The following RNF39 variants were observed in gnomAD, a reference collection of about 807,000 sequenced individuals.
RNF39 encodes ring finger protein 39.
In RNF39, 25 loss-of-function variants were observed where a neutral mutation model predicts 29.2. The observed-to-expected ratio is 0.86, with a 90% CI of 0.62 to 1.20. RNF39 has a LOEUF of 1.20. RNF39 is among the 50% of genes most tolerant of loss of function. The pLI, the probability that RNF39 is intolerant of heterozygous loss-of-function variation, is 0.00. For synonymous variants in RNF39, 219 were observed against 229.0 expected, an observed-to-expected ratio of 0.96 and a Z score of 0.40; for missense variants, 519 against 515.0, an observed-to-expected ratio of 1.01 and a Z score of -0.08.
rs1766288071 is a variant in RNF39 at position 30,074,930 on chromosome 6, C to T, written c.363+293G>A. On this transcript the variant is annotated intron_variant, in intron 1 of 3. Coordinates refer to ENST00000244360, the MANE Select transcript of RNF39 (RefSeq NM_025236.4). This position sits in a 1 kb window ranked among gnomAD's most constrained non-coding sequence, Gnocchi z 4.1. ...ACTCCAGGGCTCTCCGCGTTCTATC[C>T]GGTACCCCTTCTCTGCCTCCCCAGT... Among the ~76,000 whole-genome samples the T allele has an allele frequency of 2.0e-5, 3 of 152,066 alleles. No individual in the cohort carries two copies. Among genetic ancestry groups the T allele is most frequent in the South Asian group, 2.1e-4 (1 of 4,820 alleles).
chr6:30,073,703 A>G (rs1766178742), intron 1 of RNF39, among the ~76,000 whole-genome samples: 1 of 150,768 alleles, frequency 6.6e-6, no homozygotes, highest in Non-Finnish European at 1.5e-5. Context: ...CTTTTCCCTC[A>G]TCCTCCTAAC....
At position 30,073,489 on chromosome 6, in the gene RNF39, C is replaced by T. The variant is rs1766162830; in HGVS notation, c.364-11G>A. On this transcript the variant is annotated splice_polypyrimidine_tract_variant and intron_variant, in intron 1 of 3. Coordinates refer to ENST00000244360, the MANE Select transcript of RNF39 (RefSeq NM_025236.4). Reference sequence around the variant, plus strand: ...TGTCTTCCTCATATCCTAGGATGGGCAGAAACAAACATGGATGTGAGCTCT... The same window carrying T: ...TGTCTTCCTCATATCCTAGGATGGGTAGAAACAAACATGGATGTGAGCTCT... 3 of 1,613,468 alleles carry T rather than the reference C, an allele frequency of 1.9e-6. No individual in the cohort carries two copies. The highest frequency in any genetic ancestry group is 2.5e-6 in the Non-Finnish European group (3 of 1,179,630).
In RNF39 at chr6:30,075,572, T is replaced by C; in HGVS notation, c.14A>G (p.Glu5Gly). The stretch of plus-strand genomic sequence containing the variant: ...ACGCTCCACCAGCCCCGGGCCCAGC[T>C]CGGGCGCATCCATGGAAAGCCAGGA... MDAP[E>G]LGPGLVERLE... The change falls in exon 1 of 4, where the codon GAG (glutamate) becomes GGG (glycine). Residue 5 changes from glutamate (E) to glycine (G), a missense_variant. Glu to Gly is a moderately conservative substitution (Grantham distance 98). Transcript: ENST00000244360. 6.2e-7 allele frequency: 1 copy of C among 1,606,928 alleles called. No homozygotes were observed. Among genetic ancestry groups the C allele is most frequent in the South Asian group, 1.1e-5 (1 of 90,726 alleles).
chr6:30,070,822 T>C lies in RNF39; in HGVS notation c.*289A>G, dbSNP rs1446414151. ...ACTGATGGGGAGGGCCTGTTCCCCA[T>C]TGCAGGCCTAGAATGGTTTGAATGG... On this transcript the variant is annotated 3_prime_UTR_variant, in exon 4 of 4. Coordinates refer to ENST00000244360, the MANE Select transcript of RNF39 (RefSeq NM_025236.4). 1 of 655,136 alleles carries C rather than the reference T, an allele frequency of 1.5e-6. No homozygotes were observed. Among genetic ancestry groups the C allele is most frequent in the Non-Finnish European group, 2.8e-6 (1 of 354,860 alleles). 40.6% of individuals were successfully genotyped at this position (655,136 alleles called of 1,614,324 possible). A position where few individuals can be genotyped will look rare whatever the true frequency, so the allele number is the denominator to read the frequency against.
rs1205014116 is a variant in RNF39, at chr6:30,073,159, G to C, written c.476C>G (p.Thr159Arg). ...PVVKKMLHRL[T>R]ADLTLDPGTA... The stretch of plus-strand genomic sequence containing the variant: ...TCCCTCCCTTCTTCTTTCCTTACCT[G>C]TCAGTCTATGAAGCATTTTTTTGAC... The change falls in exon 3 of 4, where the codon ACA (threonine) becomes AGA (arginine). Residue 159 changes from threonine to arginine, a missense_variant and splice_region_variant. By Grantham distance (71) the Thr-to-Arg change is moderately conservative. Coordinates refer to ENST00000244360, the MANE Select transcript of RNF39 (RefSeq NM_025236.4). 8 of 1,578,436 alleles carry C rather than the reference G, an allele frequency of 5.1e-6. No homozygotes were observed. Among genetic ancestry groups the C allele is most frequent in the Non-Finnish European group, 7.0e-6 (8 of 1,147,814 alleles).
Position 30,075,625 on chromosome 6 carries a change from C to G in RNF39, c.-40G>C. ...TGGACGCCGCCCCTTCCGCGACCAC[C>G]GTGACCGCCTTCGAGCGCGCAGATG... On this transcript the variant is annotated 5_prime_UTR_variant, in exon 1 of 4. Transcript: ENST00000244360. 6.2e-7 allele frequency: 1 copy of G among 1,610,432 alleles called. No individual in the cohort carries two copies. The highest frequency in any genetic ancestry group is 8.5e-7 in the Non-Finnish European group (1 of 1,180,014).
At chr6:30,075,111 C>G in intron 1 of RNF39, 112 bp downstream of exon 1, 2 of 1,156,348 alleles carry the variant, frequency 1.7e-6, no homozygotes, top group Non-Finnish European at 2.4e-6. Context: ...TCTCCCCACC[C>G]CATCCTTTGC....
Position 30,072,767 on chromosome 6 carries a change from A to T in RNF39, c.478+390T>A, listed in dbSNP as rs1242246586. On this transcript the variant is annotated intron_variant, in intron 3 of 3. Coordinates refer to ENST00000244360, the MANE Select transcript of RNF39 (RefSeq NM_025236.4). The surrounding 1 kb of genome is among the most constrained non-coding windows in gnomAD (Gnocchi z 4.5). ...AGGTAATCAAGTTAAAATGAAGGTC[A>T]TTAGGGTGGGCTCTAATCCAGATTG... 2.6e-5 allele frequency among the ~76,000 whole-genome samples: 4 copies of T among 152,222 alleles called. No homozygotes were observed. Among genetic ancestry groups the T allele is most frequent in the African/African-American group, 9.6e-5 (4 of 41,454 alleles).
In RNF39 at chr6:30,071,182, C is replaced by T. The variant is rs1487524808; in HGVS notation, c.988G>A (p.Glu330Lys). Residue 330 changes from glutamate to lysine, a missense_variant, in exon 4 of 4, where the codon GAG becomes AAG. Coordinates refer to ENST00000244360, the MANE Select transcript of RNF39 (RefSeq NM_025236.4). The surrounding 1 kb of genome is among the most constrained non-coding windows in gnomAD (Gnocchi z 5.0). ...GTGCAGAACAGCGGGAAGATGCGCT[C>T]CCCCAGGGGGCCAGGCGCCTGGAAG... is the stretch of plus-strand genomic sequence containing the variant. ...YAFQAPGPLG[E>K]RIFPLFCTCD... The T allele has an allele frequency of 3.3e-6, 5 of 1,522,294 alleles. No homozygotes were observed. Among genetic ancestry groups the T allele is most frequent in the Non-Finnish European group, 4.4e-6 (5 of 1,137,788 alleles). 94.3% of individuals were successfully genotyped at this position (1,522,294 alleles called of 1,614,324 possible).
In RNF39 at chr6:30,071,356, G is replaced by A; in HGVS notation, c.814C>T (p.Arg272Cys). ...PAGAVWAVEGRGGRLWALTAP... is the reference protein window; with the variant it reads ...PAGAVWAVEGCGGRLWALTAP... The stretch of plus-strand genomic sequence containing the variant: ...GTGAGGGCCCACAGGCGGCCGCCGC[G>A]GCCCTCCACGGCCCACACGGCCCCC... The change falls in exon 4 of 4, where the codon CGC (arginine) becomes TGC (cysteine). Residue 272 changes from arginine to cysteine, a missense_variant. Coordinates refer to ENST00000244360, the MANE Select transcript of RNF39 (RefSeq NM_025236.4). The surrounding 1 kb of genome is among the most constrained non-coding windows in gnomAD (Gnocchi z 5.0). 1 of 1,459,832 alleles carries A rather than the reference G, an allele frequency of 6.9e-7. No individual in the cohort carries two copies. Among genetic ancestry groups the A allele is most frequent in the South Asian group, 1.4e-5 (1 of 69,416 alleles). The allele number at this position is 1,459,832 out of a possible 1,614,324, so 90.4% of individuals were successfully genotyped here.
Position 30,071,480 on chromosome 6 carries a change from GTC to G in RNF39, c.688_689del (p.Asp230LeufsTer61), listed in dbSNP as rs756055772. On this transcript the variant is annotated frameshift_variant, in exon 4 of 4. Transcript: ENST00000244360. LOFTEE classifies it high-confidence loss of function. This position sits in a 1 kb window ranked among gnomAD's most constrained non-coding sequence, Gnocchi z 5.0. ...CGTCGTCCGCATCCTCCCCAGAAGA[GTC>G]TCTGCAGGAGGCGGCGTCCGCAGTC... ...VETADAASCR[D>X]SSGEDADDEE... 8.9e-6 allele frequency: 14 copies of G among 1,566,432 alleles called. No homozygotes were observed. The East Asian group carries it at 1.7e-4, about 19-fold the overall frequency.
In RNF39 at chr6:30,074,662, C is replaced by A. The variant is rs1298210845; in HGVS notation, c.363+561G>T. Among the ~76,000 whole-genome samples, 1 of 152,096 alleles carries A rather than the reference C, an allele frequency of 6.6e-6. No individual in the cohort carries two copies. The highest frequency in any genetic ancestry group is 6.5e-5 in the Admixed American group (1 of 15,276). On this transcript the variant is annotated intron_variant, in intron 1 of 3. Transcript: ENST00000244360. The surrounding 1 kb of genome is among the most constrained non-coding windows in gnomAD (Gnocchi z 4.1). ...CAACCCCTTGCTCCCTTCCTCCATC[C>A]TCTTGTCAGTCCCCTCCTCCCCAGC...
In RNF39 at chr6:30,074,884, G is replaced by T. The variant is rs1233639820; in HGVS notation, c.363+339C>A. Among the ~76,000 whole-genome samples, 1 of 151,946 alleles carries T rather than the reference G, an allele frequency of 6.6e-6. No homozygotes were observed. Among genetic ancestry groups the T allele is most frequent in the Non-Finnish European group, 1.5e-5 (1 of 67,970 alleles). Reference sequence around the variant, plus strand: ...CGGCTGCCCTGCCAAAACTTCTGCAGTTCCCATGCCCTTCGCGGCGACTCC... The same window carrying T: ...CGGCTGCCCTGCCAAAACTTCTGCATTTCCCATGCCCTTCGCGGCGACTCC... On this transcript the variant is annotated intron_variant, in intron 1 of 3. Coordinates refer to ENST00000244360, the MANE Select transcript of RNF39 (RefSeq NM_025236.4). This position sits in a 1 kb window ranked among gnomAD's most constrained non-coding sequence, Gnocchi z 4.1.
Position 30,071,484 on chromosome 6 carries a change from C to G in RNF39, c.686G>C (p.Arg229Thr). 3 of 1,562,660 alleles carry G rather than the reference C, an allele frequency of 1.9e-6. No individual in the cohort carries two copies. The highest frequency in any genetic ancestry group is 2.6e-6 in the Non-Finnish European group (3 of 1,159,314). The change falls in exon 4 of 4, where the codon AGA (arginine) becomes ACA (threonine). Residue 229 changes from arginine to threonine, a missense_variant. Physicochemically the swap from Arg to Thr is moderately conservative, Grantham distance 71. Transcript: ENST00000244360. This position sits in a 1 kb window ranked among gnomAD's most constrained non-coding sequence, Gnocchi z 5.0. ...GTCCGCATCCTCCCCAGAAGAGTCTCTGCAGGAGGCGGCGTCCGCAGTCTC... is the reference window on the plus strand; with the variant it reads ...GTCCGCATCCTCCCCAGAAGAGTCTGTGCAGGAGGCGGCGTCCGCAGTCTC... ...EVETADAASC[R>T]DSSGEDADDE...
chr6:30,071,232 C>T lies in RNF39; in HGVS notation c.938G>A (p.Gly313Asp), dbSNP rs1396583723. The T allele has an allele frequency of 6.6e-7, 1 of 1,512,268 alleles. No homozygotes were observed. The highest frequency in any genetic ancestry group is 1.4e-5 in the South Asian group (1 of 73,708). 93.7% of individuals were successfully genotyped at this position (1,512,268 alleles called of 1,614,324 possible). ...GGCGTAAAGCAGGTCGAGTGAGCGG[C>T]CGTCGTAGAAGGCCACGCGGCCCCG... ...WERGRVAFYD[G>D]RSLDLLYAFQ... Residue 313 changes from glycine (G) to aspartate (D), a missense_variant, in exon 4 of 4, where the codon GGC becomes GAC. Physicochemically the swap from Gly to Asp is moderately conservative, Grantham distance 94 (BLOSUM62 -1). Transcript: ENST00000244360. This position sits in a 1 kb window ranked among gnomAD's most constrained non-coding sequence, Gnocchi z 5.0.
rs774104086 is a variant in RNF39 at position 30,071,403 on chromosome 6, C to T, written c.767G>A (p.Gly256Asp). The T allele has an allele frequency of 1.9e-5, 29 of 1,488,094 alleles. No individual in the cohort carries two copies. The highest frequency in any genetic ancestry group is 2.4e-5 in the Non-Finnish European group (27 of 1,127,934). The allele number at this position is 1,488,094 out of a possible 1,614,324, so 92.2% of individuals were successfully genotyped here. Residue 256 changes from glycine to aspartate, a missense_variant, in exon 4 of 4, where the codon GGC becomes GAC. By Grantham distance (94) the Gly-to-Asp change is moderately conservative. Transcript: ENST00000244360. The surrounding 1 kb of genome is among the most constrained non-coding windows in gnomAD (Gnocchi z 5.0). ...GAAGESVQRKGCVRLCPAGAV... is the reference protein window; with the variant it reads ...GAAGESVQRKDCVRLCPAGAV... ...CCCCGCAGGGCACAGCCTTACGCAG[C>T]CCTTGCGTTGCACTGATTCCCCGGC...
intron 1 of RNF39, 36 bp downstream of exon 1, chr6:30,075,187 T>C: frequency 6.5e-7 from 1 of 1,534,154 alleles, no homozygotes; most frequent in Admixed American, 2.0e-5. Flanking sequence ...ACCTCCCGCT[T>C]CCACCAACAA....
chr6:30,074,880 T>C lies in RNF39; in HGVS notation c.363+343A>G, dbSNP rs547124068. On this transcript the variant is annotated intron_variant, in intron 1 of 3. Transcript: ENST00000244360. This position sits in a 1 kb window ranked among gnomAD's most constrained non-coding sequence, Gnocchi z 4.1. ...CCTGCGGCTGCCCTGCCAAAACTTC[T>C]GCAGTTCCCATGCCCTTCGCGGCGA... 5.3e-5 allele frequency among the ~76,000 whole-genome samples: 8 copies of C among 152,024 alleles called. No individual in the cohort carries two copies. In the South Asian group the frequency reaches 1.7e-3, roughly 32 times the overall value.
Position 30,071,448 on chromosome 6 carries a change from C to A in RNF39, c.722G>T (p.Ser241Ile). The A allele has an allele frequency of 6.4e-7, 1 of 1,552,830 alleles. No individual in the cohort carries two copies. Among genetic ancestry groups the A allele is most frequent in the Non-Finnish European group, 8.6e-7 (1 of 1,157,326 alleles). ...SSGEDADDEE[S>I]HYAVGAAGES... is the part of the protein sequence containing the mutation. ...CCCGGCCGCGCCCACTGCATAGTGGCTCTCCTCGTCGTCCGCATCCTCCCC... is the reference window on the plus strand; with the variant it reads ...CCCGGCCGCGCCCACTGCATAGTGGATCTCCTCGTCGTCCGCATCCTCCCC... Residue 241 changes from serine to isoleucine, a missense_variant, in exon 4 of 4, where the codon AGC becomes ATC. By Grantham distance (142) the Ser-to-Ile change is moderately radical (BLOSUM62 -2). Coordinates refer to ENST00000244360, the MANE Select transcript of RNF39 (RefSeq NM_025236.4). The surrounding 1 kb of genome is among the most constrained non-coding windows in gnomAD (Gnocchi z 5.0).
Sources: allele counts gnomAD v4.1 joint callset (sites outside exome capture counted in the v4.1 genomes callset), GRCh38; gene constraint gnomAD v4.1.1; non-coding constraint Gnocchi (gnomAD v3.1); transcripts MANE v1.5; gene names NCBI Gene and HGNC (gene_info 2026-07-23, HGNC 2026-07-21).